Variants in IFNAR2 observed in about 807,000 individuals in gnomAD.
The protein encoded by IFNAR2 is interferon alpha/beta receptor 2.
Under a neutral mutation model 49.4 loss-of-function variants are expected in IFNAR2, and 30 were observed. The observed-to-expected ratio is 0.61, with a 90% CI of 0.45 to 0.82. The LOEUF is 0.82. Ranked by LOEUF, IFNAR2 falls within the 40% of genes least tolerant of loss-of-function variation. The pLI, the probability that IFNAR2 is intolerant of heterozygous loss-of-function variation, is 0.00. For synonymous variants in IFNAR2, 224 were observed against 234.5 expected (o/e 0.96, Z 0.41); for missense variants, 600 against 622.7 (o/e 0.96, Z 0.39).
intron 1 of IFNAR2, among the ~76,000 whole-genome samples, chr21:33,239,722 T>C (rs1301676388): frequency 6.6e-5 from 10 of 151,152 alleles, no homozygotes; most frequent in Non-Finnish European, 1.3e-4. Flanking sequence ...CCCTCAATGT[T>C]GTGATCTGCA....
chr21:33,240,309 A>G (rs1986826797), intron 1 of IFNAR2, among the ~76,000 whole-genome samples: 1 of 152,256 alleles, frequency 6.6e-6, no homozygotes, highest in African/African-American at 2.4e-5. Context: ...TGCTTACAGT[A>G]TTCAGCACAG....
intron 8 of IFNAR2, among the ~76,000 whole-genome samples, chr21:33,261,789 T>C (rs541170372): frequency 1.4e-4 from 21 of 152,268 alleles, no homozygotes; most frequent in Admixed American, 7.2e-4. Context: ...GGTGAGAGGA[T>C]TGCTTGAGCC....
intron 7 of IFNAR2, among the ~76,000 whole-genome samples, chr21:33,260,221 G>A (rs1204849739): frequency 6.6e-6 from 1 of 152,242 alleles, no homozygotes; most frequent in African/African-American, 2.4e-5. Flanking sequence ...CTTCCTGCCC[G>A]CAGCGCATGC....
At chr21:33,232,336 G>A (rs190651479) in intron 1 of IFNAR2, among the ~76,000 whole-genome samples, 185 of 152,256 alleles carry the variant, frequency 1.2e-3, no homozygotes, top group African/African-American at 4.2e-3. Flanking sequence ...GTAATTGGCA[G>A]AGGAGGTTGG....
intron 1 of IFNAR2, among the ~76,000 whole-genome samples, chr21:33,239,635 A>G (rs974108732): frequency 3.4e-5 from 5 of 145,850 alleles, no homozygotes; most frequent in Non-Finnish European, 6.0e-5. Flanking sequence ...ACAGCCCTCA[A>G]TGTTGTGAGC....
chr21:33,233,046 GATAAAA>G (rs2064625382), intron 1 of IFNAR2: 1 of 516,630 alleles, frequency 1.9e-6, no homozygotes, highest in African/African-American at 2.1e-5. Flanking sequence ...GCAACAACTT[GATAAAA>G]ATATAAATCC....
At chr21:33,262,697 C>T in intron 8 of IFNAR2, 96 bp from the exon 9 acceptor site, 1 of 1,525,506 alleles carries the variant, frequency 6.6e-7, no homozygotes, top group Non-Finnish European at 9.1e-7. Flanking sequence ...AAGCGTGCAT[C>T]CCTGTGCCCC....
At chr21:33,240,738 C>A (rs960486911) in intron 1 of IFNAR2, among the ~76,000 whole-genome samples, 1 of 151,158 alleles carries the variant, frequency 6.6e-6, no homozygotes, top group Admixed American at 6.6e-5. Flanking sequence ...TTGCTTGAGC[C>A]TGGGAGGTTG....
At chr21:33,252,875 T>C (rs781678621) in intron 7 of IFNAR2, 45 bp downstream of exon 7, 1 of 1,409,302 alleles carries the variant, frequency 7.1e-7, no homozygotes, top group Non-Finnish European at 1.0e-6. Flanking sequence ...TTCATGCTTT[T>C]ACTCTGAGGG....
intron 1 of IFNAR2, among the ~76,000 whole-genome samples, chr21:33,241,338 A>C (rs1029679941): frequency 6.6e-6 from 1 of 152,238 alleles, no homozygotes; most frequent in Admixed American, 6.5e-5. Context: ...ATTTCCTTGC[A>C]GAAGAGACTG....
At chr21:33,262,123 T>C (rs1988610542) in intron 8 of IFNAR2, among the ~76,000 whole-genome samples, 1 of 152,050 alleles carries the variant, frequency 6.6e-6, no homozygotes, top group Admixed American at 6.6e-5. Flanking sequence ...ACCCAGCACT[T>C]CGGGAGGCCA....
chr21:33,231,382 A>G (rs1054713778), intron 1 of IFNAR2, among the ~76,000 whole-genome samples: 4 of 152,244 alleles, frequency 2.6e-5, no homozygotes, highest in Admixed American at 6.5e-5. Flanking sequence ...TGTTTTCCAC[A>G]ATTTTAGATA....
Position 33,245,806 on chromosome 21 carries a change from G to A in IFNAR2, c.221+732G>A, listed in dbSNP as rs17860193. ...TGACTGAGCCAGTGGGAGACCTCTT[G>A]TGAGTTTCTCTTCGGTGCCTGCTAA... On this transcript the variant is annotated intron_variant, in intron 4 of 8. Transcript: ENST00000342136. 6.7e-3 allele frequency among the ~76,000 whole-genome samples: 1,021 copies of A among 152,298 alleles called. 13 individuals are homozygous for A. The highest frequency in any genetic ancestry group is 0.024 in the African/African-American group (978 of 41,562).
intron 6 of IFNAR2, 149 bp from the exon 7 acceptor site, chr21:33,252,513 T>A: frequency 7.0e-7 from 1 of 1,435,486 alleles, no homozygotes; most frequent in South Asian, 1.5e-5. Context: ...GATAAATTAC[T>A]TGCTCCAGAT....
At chr21:33,262,413 C>G in intron 8 of IFNAR2, 1 of 516,498 alleles carries the variant, frequency 1.9e-6, no homozygotes, top group East Asian at 3.1e-5. Context: ...AGAGCAGTTG[C>G]AAGGGAAAGG....
Position 33,256,849 on chromosome 21 carries a change from G to A in IFNAR2, c.710-3748G>A, listed in dbSNP as rs546920212. Reference sequence around the variant, plus strand: ...GATCAACATGTAAAATAGACAGTATGTTAAGTAAGTACCATGGAAAAAAAT... The same window carrying A: ...GATCAACATGTAAAATAGACAGTATATTAAGTAAGTACCATGGAAAAAAAT... On this transcript the variant is annotated intron_variant, in intron 7 of 8. Transcript: ENST00000342136. 7.6e-4 allele frequency among the ~76,000 whole-genome samples: 115 copies of A among 152,304 alleles called. 1 individual carries two copies. The highest frequency in any genetic ancestry group is 2.7e-3 in the African/African-American group (112 of 41,564).
In IFNAR2 at chr21:33,260,781, A is replaced by T; in HGVS notation, c.840+54A>T. ...TTTTCTATCTTTGTTTTTTATTTTA[A>T]CTTAAGAATTTGTATTTATATAAAT... On this transcript the variant is annotated intron_variant, in intron 8 of 8. Transcript: ENST00000342136. 2.6e-6 allele frequency: 3 copies of T among 1,148,962 alleles called. No homozygotes were observed. In the South Asian group the frequency reaches 5.6e-5, roughly 21 times the overall value. The allele number at this position is 1,148,962 out of a possible 1,614,324, so 71.2% of individuals were successfully genotyped here. A position where few individuals can be genotyped will look rare whatever the true frequency, so the allele number is the denominator to read the frequency against.
intron 1 of IFNAR2, among the ~76,000 whole-genome samples, chr21:33,235,798 C>T (rs1292694110): frequency 2.0e-5 from 3 of 152,000 alleles, no homozygotes; most frequent in Middle Eastern, 3.4e-3. Flanking sequence ...TGGTGGCGGG[C>T]GCCTGTAGTC....
chr21:33,236,636 C>G, intron 1 of IFNAR2: 1 of 951,272 alleles, frequency 1.1e-6, no homozygotes, highest in South Asian at 4.9e-5. Context: ...ACAGTAGCAG[C>G]AGCAGTTGTT....
Sources: gnomAD v4.1 joint callset for allele counts (sites outside exome capture counted in the v4.1 genomes callset) on GRCh38, gnomAD v4.1.1 for gene constraint, MANE v1.5 for transcripts, NCBI Gene and HGNC (gene_info 2026-07-23, HGNC 2026-07-21) for gene names.